Variants in CDH20 observed in about 807,000 individuals in gnomAD.
The protein encoded by CDH20 is cadherin-20.
CDH20 carries 29 observed loss-of-function variants against 74.2 expected under a neutral mutation model. The observed-to-expected ratio is 0.39, with a 90% CI of 0.29 to 0.53. CDH20 has a LOEUF of 0.53. Ranked by LOEUF, CDH20 falls within the 20% of genes least tolerant of loss-of-function variation. CDH20 has a pLI of 0.69. For missense variants in CDH20, 988 were observed against 1,048.3 expected (o/e 0.94, Z 0.79); for synonymous variants, 469 against 405.4 (o/e 1.16, Z -1.88).
At position 61,526,381 on chromosome 18, in the gene CDH20, G is replaced by A. The variant is rs897458463; in HGVS notation, c.1018-1586G>A. Among the ~76,000 whole-genome samples the A allele has an allele frequency of 7.3e-5, 11 of 151,680 alleles. 1 individual carries two copies. Among genetic ancestry groups the A allele is most frequent in the Admixed American group, 3.9e-4 (6 of 15,244 alleles). On this transcript the variant is annotated intron_variant, in intron 6 of 11. Transcript: ENST00000262717. ...GCAGCACCTACCGATATTTTTTTCT[G>A]AAAAGCCAAGCAGTTGTTTAAATGG...
At chr18:61,412,324 A>G (rs1217506754) in intron 1 of CDH20, among the ~76,000 whole-genome samples, 1 of 152,210 alleles carries the variant, frequency 6.6e-6, no homozygotes, top group Non-Finnish European at 1.5e-5. Context: ...AGGTTGGCAA[A>G]ATTTTGTTAT....
chr18:61,496,057 TCTCTCCTCCCTTCCTCTCC>T (rs768657897), intron 2 of CDH20, among the ~76,000 whole-genome samples: 4,939 of 31,606 alleles, frequency 0.16, 337 homozygotes, highest in Non-Finnish European at 0.19. Flanking sequence ...CTCTCCCCCC[TCTCTCCTCCCTTCCTCTCC>T]CCCCTCTCTC....
At chr18:61,377,598 A>G in intron 1 of CDH20, among the ~76,000 whole-genome samples, 1 of 152,014 alleles carries the variant, frequency 6.6e-6, no homozygotes, top group South Asian at 2.1e-4. Context: ...TTAAATTAAA[A>G]TGAACTAAAA....
At chr18:61,404,937 CTG>C (rs1283709889) in intron 1 of CDH20, 29 of 706,686 alleles carry the variant, frequency 4.1e-5, no homozygotes, top group African/African-American at 4.0e-4. Context: ...TGTGCATACT[CTG>C]TAGTATTTTC....
Position 61,449,763 on chromosome 18 carries a change from A to AT in CDH20, c.-152-40639_-152-40638insT, listed in dbSNP as rs1555677333. Among the ~76,000 whole-genome samples, 10 of 150,644 alleles carry AT rather than the reference A, an allele frequency of 6.6e-5. No homozygotes were observed. The South Asian group carries it at 8.4e-4, about 13-fold the overall frequency. ...CAGCCCAGATTTTAAAATAGAAAAA[A>AT]ATATATATATATATACACACACACA... On this transcript the variant is annotated intron_variant, in intron 1 of 11. Transcript: ENST00000262717.
intron 1 of CDH20, among the ~76,000 whole-genome samples, chr18:61,442,418 C>G (rs1003857848): frequency 1.3e-5 from 2 of 150,880 alleles, no homozygotes; most frequent in Admixed American, 6.6e-5. Flanking sequence ...GACTTCCAGG[C>G]AGGGCATCTG....
At chr18:61,334,924 C>T (rs917387631) in intron 1 of CDH20, among the ~76,000 whole-genome samples, 2 of 152,106 alleles carry the variant, frequency 1.3e-5, no homozygotes, top group Non-Finnish European at 2.9e-5. Context: ...CCTGCAGCCG[C>T]CTCCCCTCAA....
chr18:61,462,007 T>A (rs1268302254), intron 1 of CDH20, among the ~76,000 whole-genome samples: 2 of 152,062 alleles, frequency 1.3e-5, no homozygotes, highest in Non-Finnish European at 2.9e-5. Flanking sequence ...AAAGTTACAC[T>A]CCTATGCAAT....
intron 5 of CDH20, among the ~76,000 whole-genome samples, chr18:61,506,401 G>C (rs1456258507): frequency 6.6e-6 from 1 of 152,204 alleles, no homozygotes; most frequent in Non-Finnish European, 1.5e-5. Context: ...GCTGTGAGCT[G>C]GCTGGGTGCT....
chr18:61,541,442 G>C (rs1166075749), intron 9 of CDH20, among the ~76,000 whole-genome samples: 2 of 152,100 alleles, frequency 1.3e-5, no homozygotes, highest in African/African-American at 4.8e-5. Context: ...CAGAGTAGGA[G>C]AGGTTGCATT....
At chr18:61,434,043 T>C (rs936173992) in intron 1 of CDH20, among the ~76,000 whole-genome samples, 3 of 152,116 alleles carry the variant, frequency 2.0e-5, no homozygotes, top group Non-Finnish European at 1.5e-5. Context: ...TGTACTCTTT[T>C]AGGCCCCCAA....
chr18:61,371,406 T>C (rs1911034229), intron 1 of CDH20, among the ~76,000 whole-genome samples: 1 of 152,000 alleles, frequency 6.6e-6, no homozygotes, highest in Non-Finnish European at 1.5e-5. Context: ...ACAATCTTCT[T>C]TGAGGTTGTT....
intron 1 of CDH20, among the ~76,000 whole-genome samples, chr18:61,401,477 G>A (rs1912152727): frequency 6.6e-6 from 1 of 152,020 alleles, no homozygotes; most frequent in South Asian, 2.1e-4. Flanking sequence ...TTATGTATAG[G>A]ATAACAGGGA....
chr18:61,517,241 A>G (rs1329163430), intron 6 of CDH20, among the ~76,000 whole-genome samples: 1 of 152,196 alleles, frequency 6.6e-6, no homozygotes, highest in Non-Finnish European at 1.5e-5. Flanking sequence ...CCAAAGAAAA[A>G]GTAAGACTTC....
At chr18:61,496,121 T>C (rs1008009539) in intron 2 of CDH20, among the ~76,000 whole-genome samples, 1 of 25,204 alleles carries the variant, frequency 4.0e-5, no homozygotes, top group Non-Finnish European at 7.2e-5. Flanking sequence ...TCCCTTCCTC[T>C]CCCCCTCTCT....
chr18:61,449,296 TTC>T (rs1568143664), intron 1 of CDH20, among the ~76,000 whole-genome samples: 1 of 152,162 alleles, frequency 6.6e-6, no homozygotes, highest in African/African-American at 2.4e-5. Flanking sequence ...GATAAATTTA[TTC>T]TGTCAGGGAA....
At chr18:61,515,132 T>C (rs1229293125) in intron 6 of CDH20, among the ~76,000 whole-genome samples, 2 of 152,064 alleles carry the variant, frequency 1.3e-5, no homozygotes, top group Non-Finnish European at 2.9e-5. Context: ...TCTCAGACTG[T>C]TGTGCTAGCA....
intron 1 of CDH20, among the ~76,000 whole-genome samples, chr18:61,471,530 G>C (rs1211999977): frequency 6.6e-6 from 1 of 152,148 alleles, no homozygotes; most frequent in Non-Finnish European, 1.5e-5. Flanking sequence ...AGATTCAATA[G>C]CAACATGCAT....
intron 1 of CDH20, among the ~76,000 whole-genome samples, chr18:61,455,251 A>C (rs1909533650): frequency 1.3e-5 from 2 of 152,204 alleles, no homozygotes; most frequent in Non-Finnish European, 2.9e-5. Flanking sequence ...AACTAAATAC[A>C]ATGTAGGATC....
Sources: allele counts gnomAD v4.1 joint callset (sites outside exome capture counted in the v4.1 genomes callset), GRCh38; gene constraint gnomAD v4.1.1; transcripts MANE v1.5; gene names NCBI Gene and HGNC (gene_info 2026-07-23, HGNC 2026-07-21).